SLC61A1: variants seen among roughly 807,000 people sequenced by gnomAD.
SLC61A1 encodes the protein solute carrier family 61 member 1.
chr12:53,254,073 C>G, the SLC61A1 span: 13 of 1,614,090 alleles, frequency 8.1e-6, no homozygotes, highest in African/African-American at 9.3e-5. Context: ...AGCATTTGCT[C>G]TGCTGTCATG....
At chr12:53,252,275 C>T in the SLC61A1 span, 4 of 1,394,446 alleles carry the variant, frequency 2.9e-6, no homozygotes, top group African/African-American at 1.5e-5. Context: ...GCAGGTGAGG[C>T]GGAGTCTGGG....
chr12:53,253,609 A>G, the SLC61A1 span: 4 of 1,613,728 alleles, frequency 2.5e-6, no homozygotes, highest in African/African-American at 1.3e-5. Flanking sequence ...TACAAGCTCT[A>G]TTTGAGAGTG....
chr12:53,254,351 C>A, the SLC61A1 span: 1 of 770,122 alleles, frequency 1.3e-6, no homozygotes, highest in Non-Finnish European at 2.1e-6. Flanking sequence ...AAAGAAGGTG[C>A]CAAAAGTTCC....
chr12:53,251,845 T>C, the SLC61A1 span: 2 of 1,537,326 alleles, frequency 1.3e-6, no homozygotes, highest in Non-Finnish European at 1.7e-6. Flanking sequence ...ACTGCGGGCA[T>C]CTTTCCCGAG....
the SLC61A1 span, chr12:53,252,613 C>T: frequency 8.1e-7 from 1 of 1,238,572 alleles, no homozygotes; most frequent in Non-Finnish European, 1.1e-6. Flanking sequence ...CCCCTGTCTT[C>T]TTACCCCTCC....
At chr12:53,251,645 T>C in the SLC61A1 span, 18 of 1,363,320 alleles carry the variant, frequency 1.3e-5, no homozygotes, top group African/African-American at 2.5e-4. Flanking sequence ...GGGGCAGGAC[T>C]GCGCCTTAGT....
chr12:53,252,201 G>A, the SLC61A1 span: 1 of 1,417,772 alleles, frequency 7.1e-7, no homozygotes, highest in South Asian at 1.5e-5. Flanking sequence ...CGGAGCCACA[G>A]CGGGGAGGGT....
the SLC61A1 span, chr12:53,252,184 C>T: frequency 7.0e-7 from 1 of 1,419,050 alleles, no homozygotes; most frequent in Non-Finnish European, 9.1e-7. Context: ...GGAACCCGAG[C>T]CGGAGCCGGA....
At chr12:53,252,172 C>T in the SLC61A1 span, 2 of 1,425,274 alleles carry the variant, frequency 1.4e-6, no homozygotes, top group Admixed American at 3.1e-5. Context: ...GGGAGCGCTG[C>T]TGGAACCCGA....
the SLC61A1 span, chr12:53,252,748 G>C: frequency 1.2e-5 from 18 of 1,533,318 alleles, no homozygotes; most frequent in Middle Eastern, 4.8e-4. Flanking sequence ...GCTGCCATCT[G>C]CTTAAGACAG....
chr12:53,251,803 C>A, the SLC61A1 span: 3 of 1,537,234 alleles, frequency 2.0e-6, no homozygotes, highest in South Asian at 3.6e-5. Context: ...CGGTGCTGTT[C>A]CTTAGGAAGC....
chr12:53,253,802 G>A, the SLC61A1 span: 41 of 1,614,038 alleles, frequency 2.5e-5, no homozygotes, highest in Middle Eastern at 4.9e-4. Flanking sequence ...GCTCATCGTC[G>A]TCTTCTCTCT....
At chr12:53,253,051 C>T in the SLC61A1 span, 3 of 1,614,254 alleles carry the variant, frequency 1.9e-6, no homozygotes, top group Non-Finnish European at 2.5e-6. Context: ...ATTACTACTT[C>T]CTGGAAGGTC....
the SLC61A1 span, chr12:53,253,504 G>A: frequency 6.2e-7 from 1 of 1,614,184 alleles, no homozygotes; most frequent in Non-Finnish European, 8.5e-7. Context: ...GAAACTGGGG[G>A]GAGAACTATG....
the SLC61A1 span, chr12:53,253,981 G>A: frequency 6.2e-7 from 1 of 1,614,152 alleles, no homozygotes; most frequent in East Asian, 2.2e-5. Context: ...ACTGGTTCCG[G>A]GTACCTCTGC....
At chr12:53,252,331 GC>G in the SLC61A1 span, 3 of 1,357,720 alleles carry the variant, frequency 2.2e-6, no homozygotes, top group Non-Finnish European at 2.8e-6. Flanking sequence ...GCTAGGGGGC[GC>G]AGTGGGGTGC....
the SLC61A1 span, chr12:53,253,296 A>G: frequency 6.2e-7 from 1 of 1,614,232 alleles, no homozygotes; most frequent in South Asian, 1.1e-5. Context: ...TGGTATATCC[A>G]TGAGCACGTG....
chr12:53,253,101 T>C, the SLC61A1 span: 1 of 1,614,246 alleles, frequency 6.2e-7, no homozygotes, highest in African/African-American at 1.3e-5. Flanking sequence ...GCCTCTACAG[T>C]CCTCTTTGGC....
At chr12:53,253,622 ATCT>A in the SLC61A1 span, 1 of 1,613,844 alleles carries the variant, frequency 6.2e-7, no homozygotes, top group South Asian at 1.1e-5. Flanking sequence ...TGAGAGTGTC[ATCT>A]TCATCTTTGT....
Sources: gnomAD v4.1 joint callset for allele counts on GRCh38, gnomAD v4.1.1 for gene constraint, MANE v1.5 for transcripts, NCBI Gene and HGNC (gene_info 2026-07-23, HGNC 2026-07-21) for gene names.